Variants in EFR3A observed in about 807,000 individuals in gnomAD.
EFR3A encodes the protein protein EFR3 homolog A.
Under a neutral mutation model 104.4 loss-of-function variants are expected in EFR3A, and 76 were observed. The ratio of observed to expected loss-of-function variants is 0.73; its 90% CI spans 0.60 to 0.88. The LOEUF (loss-of-function observed/expected upper bound fraction) is 0.88, where lower values mean the gene tolerates loss of function less well. EFR3A is among the 40% of genes least tolerant of loss of function. EFR3A has a pLI of 0.00. For missense variants in EFR3A, 985 were observed against 1,012.5 expected (o/e 0.97, Z 0.37); for synonymous variants, 330 against 330.0 (o/e 1.00, Z 0.00).
chr8:131,925,070 C>G lies in EFR3A; in HGVS notation c.11-15429C>G, dbSNP rs367632140. On this transcript the variant is annotated intron_variant, in intron 1 of 22. Transcript: ENST00000254624. ...TGAACCTTAGTCTTAGTTCCTTAGT[C>G]TAACCTCTGGTTTCTTAGTCTTAGT... is the stretch of plus-strand genomic sequence containing the variant. Among the ~76,000 whole-genome samples, 8 of 152,164 alleles carry G rather than the reference C, an allele frequency of 5.3e-5. No homozygotes were observed. In the East Asian group the frequency reaches 1.4e-3, roughly 26 times the overall value.
intron 1 of EFR3A, among the ~76,000 whole-genome samples, chr8:131,930,127 G>T (rs1479109497): frequency 1.3e-5 from 2 of 152,074 alleles, no homozygotes; most frequent in African/African-American, 2.4e-5. Context: ...ATTGCAGACT[G>T]CACATCTGAA....
chr8:131,977,870 T>C (rs1461460234), intron 12 of EFR3A, among the ~76,000 whole-genome samples: 2 of 152,164 alleles, frequency 1.3e-5, no homozygotes, highest in Non-Finnish European at 2.9e-5. Context: ...TTCATTTGTA[T>C]CTTATATAAG....
intron 1 of EFR3A, among the ~76,000 whole-genome samples, chr8:131,935,803 A>T (rs917731591): frequency 6.6e-6 from 1 of 151,814 alleles, no homozygotes; most frequent in Admixed American, 6.6e-5. Context: ...CAATATTTCC[A>T]GTTAAATTAT....
intron 1 of EFR3A, among the ~76,000 whole-genome samples, chr8:131,936,526 C>G (rs1006035246): frequency 6.6e-6 from 1 of 151,966 alleles, no homozygotes; most frequent in Non-Finnish European, 1.5e-5. Context: ...TACACACACA[C>G]ATGCTCTCTC....
At chr8:131,944,523 CTGTT>C (rs1818324744) in intron 2 of EFR3A, among the ~76,000 whole-genome samples, 1 of 151,992 alleles carries the variant, frequency 6.6e-6, no homozygotes, top group Non-Finnish European at 1.5e-5. Flanking sequence ...GTCTAATTCA[CTGTT>C]TGTGCTTTGC....
intron 1 of EFR3A, 39 bp from the exon 2 acceptor site, chr8:131,940,460 A>G (rs1369857801): frequency 1.3e-6 from 2 of 1,533,356 alleles, no homozygotes; most frequent in East Asian, 4.9e-5. Context: ...TTACAATATT[A>G]ATAATATCTG....
intron 18 of EFR3A, among the ~76,000 whole-genome samples, chr8:131,990,217 G>A (rs1586660952): frequency 6.6e-6 from 1 of 152,120 alleles, no homozygotes; most frequent in Admixed American, 6.6e-5. Flanking sequence ...TATTATTCTA[G>A]GTGCATAGGA....
intron 19 of EFR3A, among the ~76,000 whole-genome samples, chr8:131,999,046 A>G (rs1245987635): frequency 2.0e-5 from 3 of 152,088 alleles, no homozygotes; most frequent in Non-Finnish European, 4.4e-5. Context: ...TTCCTTATAT[A>G]TGCATAACTG....
At chr8:131,915,920 A>G (rs1182457343) in intron 1 of EFR3A, among the ~76,000 whole-genome samples, 3 of 152,186 alleles carry the variant, frequency 2.0e-5, no homozygotes, top group East Asian at 1.9e-4. Context: ...GACACTGAGG[A>G]TACGGTGCTA....
chr8:131,966,682 A>G (rs1819755430), intron 8 of EFR3A, among the ~76,000 whole-genome samples: 1 of 152,154 alleles, frequency 6.6e-6, no homozygotes, highest in Non-Finnish European at 1.5e-5. Flanking sequence ...TAGCTATTAA[A>G]TGATAGTCAG....
chr8:131,969,439 C>A (rs1460242534), intron 9 of EFR3A, among the ~76,000 whole-genome samples: 1 of 151,894 alleles, frequency 6.6e-6, no homozygotes, highest in Non-Finnish European at 1.5e-5. Flanking sequence ...TACTTCACAT[C>A]ATCTTTAGAT....
intron 7 of EFR3A, among the ~76,000 whole-genome samples, chr8:131,957,550 ATGT>A (rs1389744687): frequency 1.3e-5 from 2 of 152,040 alleles, no homozygotes; most frequent in African/African-American, 4.8e-5. Context: ...AGATTTCGCC[ATGT>A]TGTTCAGGCT....
chr8:131,924,051 TG>T (rs1475863533), intron 1 of EFR3A: 1 of 375,104 alleles, frequency 2.7e-6, no homozygotes, highest in African/African-American at 2.2e-5. Context: ...CTGTAATTGC[TG>T]TATCTTGCTA....
intron 5 of EFR3A, among the ~76,000 whole-genome samples, chr8:131,953,385 G>T (rs1198212683): frequency 6.6e-6 from 1 of 152,092 alleles, no homozygotes; most frequent in Non-Finnish European, 1.5e-5. Context: ...GTCAAAGGGA[G>T]TTGAAGGGCT....
At chr8:131,947,437 A>T (rs1277092100) in intron 4 of EFR3A, among the ~76,000 whole-genome samples, 1 of 151,388 alleles carries the variant, frequency 6.6e-6, no homozygotes, top group Non-Finnish European at 1.5e-5. Flanking sequence ...TGATTTGCAG[A>T]TATCTTCTCC....
At chr8:131,982,530 T>C (rs1213148139) in intron 14 of EFR3A, among the ~76,000 whole-genome samples, 2 of 152,154 alleles carry the variant, frequency 1.3e-5, no homozygotes, top group Non-Finnish European at 2.9e-5. Flanking sequence ...AGGTTATGTA[T>C]TCTTCAGATT....
chr8:132,007,934 A>G (rs1333405234), intron 22 of EFR3A, among the ~76,000 whole-genome samples: 4 of 152,056 alleles, frequency 2.6e-5, no homozygotes, highest in Non-Finnish European at 4.4e-5. Flanking sequence ...CTTCCACCAA[A>G]CACAAACATT....
intron 22 of EFR3A, among the ~76,000 whole-genome samples, chr8:132,008,645 A>T (rs953336571): frequency 6.6e-6 from 1 of 151,872 alleles, no homozygotes; most frequent in African/African-American, 2.4e-5. Flanking sequence ...TCAGTGATGG[A>T]GATCAGAACA....
At chr8:131,905,969 A>G (rs753838185) in intron 1 of EFR3A, among the ~76,000 whole-genome samples, 1 of 152,194 alleles carries the variant, frequency 6.6e-6, no homozygotes, top group African/African-American at 2.4e-5. Context: ...TGATTTTAGG[A>G]TGGGCCATGG....
Sources: allele counts gnomAD v4.1 joint callset (sites outside exome capture counted in the v4.1 genomes callset), GRCh38; gene constraint gnomAD v4.1.1; transcripts MANE v1.5; gene names NCBI Gene and HGNC (gene_info 2026-07-23, HGNC 2026-07-21).